Variants in ATP8B2 observed in about 807,000 individuals in gnomAD.
The protein encoded by ATP8B2 is phospholipid-transporting ATPase ID.
Under a neutral mutation model 133.4 loss-of-function variants are expected in ATP8B2, and 70 were observed. That is an observed-to-expected ratio of 0.52 (90% CI 0.43 to 0.64). ATP8B2 has a LOEUF of 0.64. Ranked by LOEUF, ATP8B2 falls within the 30% of genes least tolerant of loss-of-function variation. ATP8B2 has a pLI of 0.00. For missense variants in ATP8B2, 1,101 were observed against 1,535.7 expected (o/e 0.72, Z 4.73); for synonymous variants, 517 against 589.5 (o/e 0.88, Z 1.78).
rs1344285504 is a variant in ATP8B2 at position 154,346,462 on chromosome 1, G to C, written c.3010G>C (p.Val1004Leu). The change falls in exon 25 of 28, where the codon GTG (valine) becomes CTG (leucine). Residue 1004 changes from valine to leucine, a missense_variant. Coordinates refer to ENST00000368489, the MANE Select transcript of ATP8B2 (RefSeq NM_001370597.1). This position sits in a 1 kb window ranked among gnomAD's most constrained non-coding sequence, Gnocchi z 4.5. ...CACTGTGGCCACATCCTTGGTCATTGTGGTTAGCGTGCAGGTATGAGGCCA... is the reference window on the plus strand; with the variant it reads ...CACTGTGGCCACATCCTTGGTCATTCTGGTTAGCGTGCAGGTATGAGGCCA... Reference protein sequence around the residue: ...AVTVATSLVIVVSVQIGLDTG... With the variant: ...AVTVATSLVILVSVQIGLDTG... 3 of 1,613,340 alleles carry C rather than the reference G, an allele frequency of 1.9e-6. No homozygotes were observed. The highest frequency in any genetic ancestry group is 1.3e-5 in the African/African-American group (1 of 74,924).
chr1:154,329,106 C>G (rs1174306430), intron 2 of ATP8B2: 7 of 1,244,384 alleles, frequency 5.6e-6, no homozygotes, highest in Non-Finnish European at 7.3e-6. Flanking sequence ...GCAGCTCTCC[C>G]GCACCCATTA....
In ATP8B2 at chr1:154,332,820, T is replaced by C. The variant is rs1031721275; in HGVS notation, c.589+123T>C. 9.5e-6 allele frequency: 7 copies of C among 735,694 alleles called. No homozygotes were observed. In the Middle Eastern group the frequency reaches 7.3e-4, roughly 77 times the overall value. 45.6% of individuals were successfully genotyped at this position (735,694 alleles called of 1,614,324 possible). Reference sequence around the variant, plus strand: ...TTATTATGCAACTCCCTGGACTGTTTTGGGGAGGGGAGTGTTTGTAATGTC... The same window carrying C: ...TTATTATGCAACTCCCTGGACTGTTCTGGGGAGGGGAGTGTTTGTAATGTC... On this transcript the variant is annotated intron_variant, in intron 9 of 27. Transcript: ENST00000368489.
chr1:154,343,466 G>T lies in ATP8B2; in HGVS notation c.1656G>T (p.Glu552Asp). 1 of 1,614,060 alleles carries T rather than the reference G, an allele frequency of 6.2e-7. No homozygotes were observed. Among genetic ancestry groups the T allele is most frequent in the Non-Finnish European group, 8.5e-7 (1 of 1,180,006 alleles). Residue 552 changes from glutamate to aspartate, a missense_variant, in exon 17 of 28, where the codon GAG (glutamate) becomes GAT (aspartate). Glu to Asp is a conservative substitution (Grantham distance 45). Transcript: ENST00000368489. This position sits in a 1 kb window ranked among gnomAD's most constrained non-coding sequence, Gnocchi z 5.8. ...KRMSVIVRNP[E>D]GKIRLYCKGA... ...CCCCATTCATAGTGCGGAATCCAGA[G>T]GGGAAGATCCGACTCTACTGCAAAG...
At chr1:154,330,333 C>T (rs1198495999) in intron 2 of ATP8B2, 63 bp from the exon 3 acceptor site, 21 of 1,459,946 alleles carry the variant, frequency 1.4e-5, no homozygotes, top group Non-Finnish European at 9.5e-6. Flanking sequence ...AGGGAACCCC[C>T]CAGCAAAGTG....
At position 154,345,264 on chromosome 1, in the gene ATP8B2, C is replaced by T; in HGVS notation, c.2471-58C>T. ...GGGAAGGGGGTTGTAACTTGGTAGG[C>T]TCTAAAGTGTGTGGCCGGTGGCCAT... On this transcript the variant is annotated intron_variant, in intron 22 of 27. Transcript: ENST00000368489. The surrounding 1 kb of genome is among the most constrained non-coding windows in gnomAD (Gnocchi z 5.6). 3.7e-6 allele frequency: 6 copies of T among 1,608,834 alleles called. No homozygotes were observed. Among genetic ancestry groups the T allele is most frequent in the Non-Finnish European group, 5.1e-6 (6 of 1,176,354 alleles).
At position 154,337,388 on chromosome 1, in the gene ATP8B2, T is replaced by C; in HGVS notation, c.878T>C (p.Ile293Thr). 2 of 1,614,164 alleles carry C rather than the reference T, an allele frequency of 1.2e-6. No individual in the cohort carries two copies. Among genetic ancestry groups the C allele is most frequent in the Non-Finnish European group, 1.7e-6 (2 of 1,180,014 alleles). ...GTTTGCATGGGGGTGATCCTGGCCA[T>C]TGGCAATGCCATCTGGGAGCACGAG... ...FLVCMGVILA[I>T]GNAIWEHEVG... Residue 293 changes from isoleucine to threonine, a missense_variant, in exon 12 of 28, where the codon ATT becomes ACT. Transcript: ENST00000368489.
At chr1:154,329,877 G>C (rs534513003) in intron 2 of ATP8B2, among the ~76,000 whole-genome samples, 15 of 152,242 alleles carry the variant, frequency 9.9e-5, no homozygotes, top group Middle Eastern at 3.4e-3. Flanking sequence ...GACTGCACAT[G>C]GGGCTGGGAT....
intron 26 of ATP8B2, among the ~76,000 whole-genome samples, chr1:154,347,522 G>C (rs930371875): frequency 6.6e-6 from 1 of 152,182 alleles, no homozygotes; most frequent in African/African-American, 2.4e-5. Context: ...ACAGTTTCGT[G>C]GATAATAAAG....
chr1:154,328,713 C>A lies in ATP8B2; in HGVS notation c.31+541C>A. 1.1e-6 allele frequency: 1 copy of A among 870,810 alleles called. No individual in the cohort carries two copies. The highest frequency in any genetic ancestry group is 1.4e-6 in the Non-Finnish European group (1 of 724,584). 53.9% of individuals were successfully genotyped at this position (870,810 alleles called of 1,614,324 possible). Reference sequence around the variant, plus strand: ...TCGGGGAGCGGGCGGGGGCGGAACCCTGGGCGTGCTCGGCGTGTCCGGGGC... The same window carrying A: ...TCGGGGAGCGGGCGGGGGCGGAACCATGGGCGTGCTCGGCGTGTCCGGGGC... On this transcript the variant is annotated intron_variant, in intron 2 of 27. Transcript: ENST00000368489. The surrounding 1 kb of genome is among the most constrained non-coding windows in gnomAD (Gnocchi z 4.6).
At position 154,328,324 on chromosome 1, in the gene ATP8B2, C is replaced by A. The variant is rs1685860246; in HGVS notation, c.31+152C>A. 2.5e-6 allele frequency: 2 copies of A among 813,618 alleles called. No homozygotes were observed. The highest frequency in any genetic ancestry group is 2.1e-5 in the Admixed American group (1 of 46,816). The allele number at this position is 813,618 out of a possible 1,614,324, so 50.4% of individuals were successfully genotyped here. ...CCAGCTTGGGGGCAGCCTAGGAAAC[C>A]GAATTCTTCCGCTTGATCCCAAAGC... On this transcript the variant is annotated intron_variant, in intron 2 of 27. Transcript: ENST00000368489. The surrounding 1 kb of genome is among the most constrained non-coding windows in gnomAD (Gnocchi z 4.6).
rs185865422 is a variant in ATP8B2, at chr1:154,331,666, C to A, written c.426C>A (p.Asn142Lys). 4 of 1,614,154 alleles carry A rather than the reference C, an allele frequency of 2.5e-6. No individual in the cohort carries two copies. The Admixed American group carries it at 5.0e-5, about 20-fold the overall frequency. ...GTGATATTATCAAGCTAGAAAATAACCAGTTTGTGGCGGTAAGGGACAGGG... is the reference window on the plus strand; with the variant it reads ...GTGATATTATCAAGCTAGAAAATAAACAGTTTGTGGCGGTAAGGGACAGGG... ...CVGDIIKLEN[N>K]QFVAADLLLL... Residue 142 changes from asparagine (N) to lysine (K), a missense_variant, in exon 7 of 28, where the codon AAC becomes AAA. Asn to Lys is a moderately conservative substitution (Grantham distance 94). Coordinates refer to ENST00000368489, the MANE Select transcript of ATP8B2 (RefSeq NM_001370597.1). The surrounding 1 kb of genome is among the most constrained non-coding windows in gnomAD (Gnocchi z 4.8).
rs12727865 is a variant in ATP8B2 at position 154,331,229 on chromosome 1, C to T, written c.303+83C>T. ...ACCCCCATCTCATGGCCACCTTCAT[C>T]CAGCACAATTTCTTGGTGACCTTGA... is the stretch of plus-strand genomic sequence containing the variant. On this transcript the variant is annotated intron_variant, in intron 5 of 27. Coordinates refer to ENST00000368489, the MANE Select transcript of ATP8B2 (RefSeq NM_001370597.1). This position sits in a 1 kb window ranked among gnomAD's most constrained non-coding sequence, Gnocchi z 4.8. The T allele has an allele frequency of 0.31, 390,655 of 1,252,820 alleles. 60,528 individuals carry two copies. The highest frequency in any genetic ancestry group is 0.34 in the South Asian group (26,444 of 77,112). 77.6% of individuals were successfully genotyped at this position (1,252,820 alleles called of 1,614,324 possible).
intron 1 of ATP8B2, among the ~76,000 whole-genome samples, chr1:154,326,548 G>A (rs1685797961): frequency 6.6e-6 from 1 of 152,158 alleles, no homozygotes; most frequent in African/African-American, 2.4e-5. Flanking sequence ...AAGTGAGAGG[G>A]GATCCCAGTT....
Position 154,340,662 on chromosome 1 carries a change from G to A in ATP8B2, c.1035-192G>A, listed in dbSNP as rs117907856. 3.9e-3 allele frequency: 2,428 copies of A among 617,430 alleles called. 73 individuals are homozygous for A. In the East Asian group the frequency reaches 0.063, roughly 16 times the overall value. 38.2% of individuals were successfully genotyped at this position (617,430 alleles called of 1,614,324 possible). ...AGCATCAGGAGGGTCGGGTCGGGGCGTTCCTCTGCTGGCTGTGTGCAGCCG... is the reference window on the plus strand; with the variant it reads ...AGCATCAGGAGGGTCGGGTCGGGGCATTCCTCTGCTGGCTGTGTGCAGCCG... On this transcript the variant is annotated intron_variant, in intron 12 of 27. Coordinates refer to ENST00000368489, the MANE Select transcript of ATP8B2 (RefSeq NM_001370597.1). This position sits in a 1 kb window ranked among gnomAD's most constrained non-coding sequence, Gnocchi z 4.0.
Position 154,333,815 on chromosome 1 carries a change from A to G in ATP8B2, c.590-292A>G, listed in dbSNP as rs560353616. 3.3e-5 allele frequency among the ~76,000 whole-genome samples: 5 copies of G among 150,694 alleles called. No individual in the cohort carries two copies. In the East Asian group the frequency reaches 1.0e-3, roughly 30 times the overall value. ...ACACCCGGCTAATTTTTGTATTTTT[A>G]GTAGAGACAGGGTTTCACCATGTTG... On this transcript the variant is annotated intron_variant, in intron 9 of 27. Coordinates refer to ENST00000368489, the MANE Select transcript of ATP8B2 (RefSeq NM_001370597.1).
chr1:154,327,463 T>G (rs1048315586), intron 1 of ATP8B2, among the ~76,000 whole-genome samples: 3 of 151,918 alleles, frequency 2.0e-5, no homozygotes, highest in Admixed American at 1.3e-4. Flanking sequence ...CCCACCAGGG[T>G]TGGGAAGACC....
At chr1:154,332,594 G>T in intron 8 of ATP8B2, 24 bp from the exon 9 acceptor site, 1 of 1,551,988 alleles carries the variant, frequency 6.4e-7, no homozygotes. Context: ...AGGGAGCGGG[G>T]ACTCAGAGAT....
In ATP8B2 at chr1:154,343,341, C is replaced by T; in HGVS notation, c.1642+40C>T. ...GGGGTGCTGGGGCGTTTGGGGACAG[C>T]ATTCAGGCCTGGAATGGGTGAAGTG... On this transcript the variant is annotated intron_variant, in intron 16 of 27. Transcript: ENST00000368489. This position sits in a 1 kb window ranked among gnomAD's most constrained non-coding sequence, Gnocchi z 5.8. 6.2e-7 allele frequency: 1 copy of T among 1,609,286 alleles called. No individual in the cohort carries two copies. Among genetic ancestry groups the T allele is most frequent in the Middle Eastern group, 1.7e-4 (1 of 6,044 alleles).
Position 154,330,405 on chromosome 1 carries a change from G to T in ATP8B2, c.41G>T (p.Arg14Met). The T allele has an allele frequency of 6.2e-7, 1 of 1,614,068 alleles. No individual in the cohort carries two copies. ...CATCATTTTGTTGCAGAAGAAGAAA[G>T]GAGGGCGCGGGCTAATGACCGAGAA... ...CAKKRPPEEE[R>M]RARANDREYN... is the part of the protein sequence containing the mutation. The change falls in exon 3 of 28, where the codon AGG becomes ATG. Residue 14 changes from arginine to methionine, a missense_variant. Physicochemically the swap from Arg to Met is moderately conservative, Grantham distance 91. Coordinates refer to ENST00000368489, the MANE Select transcript of ATP8B2 (RefSeq NM_001370597.1).
Sources: allele counts gnomAD v4.1 joint callset (sites outside exome capture counted in the v4.1 genomes callset), GRCh38; gene constraint gnomAD v4.1.1; non-coding constraint Gnocchi (gnomAD v3.1); transcripts MANE v1.5; gene names NCBI Gene and HGNC (gene_info 2026-07-23, HGNC 2026-07-21).